The following FTCDNL1 variants were observed in gnomAD, a reference collection of about 807,000 sequenced individuals.
FTCDNL1 encodes formiminotransferase N-terminal subdomain-containing protein.
A neutral mutation model predicts 5.9 loss-of-function variants in FTCDNL1; 11 were observed. That is an observed-to-expected ratio of 1.87 (90% confidence interval 1.18 to 3.10). The LOEUF is 3.10. Ranked by LOEUF, FTCDNL1 falls within the 30% of genes most tolerant of loss-of-function variation. FTCDNL1 has a pLI of 0.00. For synonymous variants in FTCDNL1, 58 were observed against 24.8 expected (o/e 2.34, Z -3.99); for missense variants, 115 against 65.5 (o/e 1.76, Z -2.61).
At chr2:199,765,548 A>T (rs1344006177) in intron 3 of FTCDNL1, among the ~76,000 whole-genome samples, 2 of 54,830 alleles carry the variant, frequency 3.6e-5, no homozygotes, top group Middle Eastern at 6.9e-3. Flanking sequence ...ATATATATAT[A>T]TATATATATT....
chr2:199,784,165 C>T (rs1699518899), intron 3 of FTCDNL1, among the ~76,000 whole-genome samples: 1 of 152,156 alleles, frequency 6.6e-6, no homozygotes, highest in Admixed American at 6.5e-5. Flanking sequence ...TCTTTATATG[C>T]TACCAAGTAG....
chr2:199,770,949 T>C (rs555671744), intron 3 of FTCDNL1, among the ~76,000 whole-genome samples: 7 of 152,208 alleles, frequency 4.6e-5, no homozygotes, highest in Non-Finnish European at 1.0e-4. Flanking sequence ...AATCCAGCCC[T>C]GTTAGAGGCT....
the FTCDNL1 span, among the ~76,000 whole-genome samples, chr2:199,687,989 G>T: frequency 6.6e-6 from 1 of 152,106 alleles, no homozygotes; most frequent in South Asian, 2.1e-4. Context: ...GCTCACGCCT[G>T]TAATCCCAGC....
downstream of FTCDNL1, among the ~76,000 whole-genome samples, chr2:199,807,445 C>G (rs894305906): frequency 2.0e-5 from 3 of 151,388 alleles, no homozygotes; most frequent in Admixed American, 2.0e-4. Context: ...CAAGACCAGC[C>G]TGGGCAAGAT....
chr2:199,758,920 G>A (rs532723633), downstream of FTCDNL1, among the ~76,000 whole-genome samples: 1 of 152,212 alleles, frequency 6.6e-6, no homozygotes, highest in South Asian at 2.1e-4. Context: ...ATCTACCATG[G>A]CTTACCATAT....
At chr2:199,765,556 A>ATATATATATATTT in intron 3 of FTCDNL1, among the ~76,000 whole-genome samples, 2 of 42,656 alleles carry the variant, frequency 4.7e-5, no homozygotes, top group African/African-American at 1.3e-4. Flanking sequence ...ATATATATAT[A>ATATATATATATTT]TTTTTTTTTT....
chr2:199,821,263 C>T (rs1701664184), intron 3 of FTCDNL1, among the ~76,000 whole-genome samples: 1 of 151,678 alleles, frequency 6.6e-6, no homozygotes, highest in African/African-American at 2.4e-5. Flanking sequence ...AATTCTCCTG[C>T]CTCAGCCCAC....
chr2:199,822,157 C>G (rs1338646717), intron 3 of FTCDNL1, among the ~76,000 whole-genome samples: 1 of 152,106 alleles, frequency 6.6e-6, no homozygotes, highest in East Asian at 1.9e-4. Flanking sequence ...AATCCTAACA[C>G]TTAGGGAGGC....
chr2:199,795,552 C>T (rs909905607), intron 3 of FTCDNL1, among the ~76,000 whole-genome samples: 5 of 152,172 alleles, frequency 3.3e-5, no homozygotes, highest in Non-Finnish European at 5.9e-5. Context: ...AAGCAAGCTC[C>T]CTAAGGGCAG....
chr2:199,686,798 T>C, the FTCDNL1 span, among the ~76,000 whole-genome samples: 8 of 152,196 alleles, frequency 5.3e-5, no homozygotes. Flanking sequence ...CAATGCAATA[T>C]ACTATGCAAG....
At position 199,770,668 on chromosome 2, in the gene FTCDNL1, G is replaced by A. The variant is rs114786893; in HGVS notation, c.212-9833C>T. 3.6e-3 allele frequency among the ~76,000 whole-genome samples: 541 copies of A among 152,262 alleles called. 5 individuals carry two copies. The highest frequency in any genetic ancestry group is 0.013 in the African/African-American group (522 of 41,558). ...AAAATTAACCACCCAGACAAAGACTGGATTCTGTTCTTCCCTGTGTATCTG... is the reference window on the plus strand; with the variant it reads ...AAAATTAACCACCCAGACAAAGACTAGATTCTGTTCTTCCCTGTGTATCTG... On this transcript the variant is annotated intron_variant, in intron 3 of 3. Coordinates refer to the FTCDNL1 transcript ENST00000416668.
At chr2:199,724,668 T>A in the FTCDNL1 span, among the ~76,000 whole-genome samples, 1 of 152,332 alleles carries the variant, frequency 6.6e-6, no homozygotes, top group African/African-American at 2.4e-5. Flanking sequence ...AGCAGTTTGT[T>A]CAATTTCCAT....
intron 3 of FTCDNL1, among the ~76,000 whole-genome samples, chr2:199,799,814 A>C (rs1012185996): frequency 3.4e-4 from 52 of 152,104 alleles, no homozygotes; most frequent in African/African-American, 1.2e-3. Flanking sequence ...TCTGAGCCTG[A>C]ATGTTTTGCC....
chr2:199,747,739 G>T, the FTCDNL1 span, among the ~76,000 whole-genome samples: 1 of 152,152 alleles, frequency 6.6e-6, no homozygotes, highest in Non-Finnish European at 1.5e-5. Context: ...AATGGTGAGA[G>T]CTAAAAGTAG....
At chr2:199,665,598 C>T in the FTCDNL1 span, among the ~76,000 whole-genome samples, 1 of 143,728 alleles carries the variant, frequency 7.0e-6, no homozygotes, top group Non-Finnish European at 1.5e-5. Context: ...GTGCCATTTG[C>T]ATATCAGCCT....
the FTCDNL1 span, among the ~76,000 whole-genome samples, chr2:199,741,147 C>T: frequency 6.6e-6 from 1 of 152,178 alleles, no homozygotes; most frequent in Non-Finnish European, 1.5e-5. Context: ...AGCCTGTGTT[C>T]ATCCTGCCTT....
the FTCDNL1 span, among the ~76,000 whole-genome samples, chr2:199,720,671 C>T: frequency 1.1e-4 from 17 of 152,272 alleles, no homozygotes; most frequent in Middle Eastern, 0.017. Context: ...GGACACTTGC[C>T]GTTGGATTTA....
intron 2 of FTCDNL1, among the ~76,000 whole-genome samples, chr2:199,847,686 A>G (rs2076767282): frequency 6.6e-6 from 1 of 152,202 alleles, no homozygotes; most frequent in Non-Finnish European, 1.5e-5. Context: ...AAAAACTGTG[A>G]GTTGAGACCC....
At chr2:199,737,537 T>C in the FTCDNL1 span, among the ~76,000 whole-genome samples, 1 of 152,246 alleles carries the variant, frequency 6.6e-6, no homozygotes, top group South Asian at 2.1e-4. Flanking sequence ...AATTATCCTT[T>C]TGAAAACTTT....
Sources: gnomAD v4.1 joint callset for allele counts (sites outside exome capture counted in the v4.1 genomes callset) on GRCh38, gnomAD v4.1.1 for gene constraint, MANE v1.5 for transcripts, NCBI Gene and HGNC (gene_info 2026-07-23, HGNC 2026-07-21) for gene names.